The following RIOK2 variants were observed in gnomAD, a reference collection of about 807,000 sequenced individuals.
RIOK2 encodes RIO kinase 2.
A neutral mutation model predicts 62.4 loss-of-function variants in RIOK2; 46 were observed. That is an observed-to-expected ratio of 0.74 (90% CI 0.58 to 0.94). The LOEUF is 0.94. RIOK2 is among the 40% of genes least tolerant of loss of function. The pLI, the probability that RIOK2 is intolerant of heterozygous loss-of-function variation, is 0.00. For missense variants in RIOK2, 574 were observed against 658.0 expected, an observed-to-expected ratio of 0.87 and a Z score of 1.40; for synonymous variants, 197 against 216.0, an observed-to-expected ratio of 0.91 and a Z score of 0.77.
chr5:97,167,258 T>C, intron 8 of RIOK2: 1 of 1,420,052 alleles, frequency 7.0e-7, no homozygotes. Flanking sequence ...ACTTGAAATT[T>C]AGTCAATAGG....
rs745417506 is a variant in RIOK2, at chr5:97,173,160, A to G, written c.587+15T>C. 18 of 1,547,710 alleles carry G rather than the reference A, an allele frequency of 1.2e-5. No homozygotes were observed. Among genetic ancestry groups the G allele is most frequent in the African/African-American group, 2.7e-5 (2 of 73,354 alleles). The stretch of plus-strand genomic sequence containing the variant: ...TTTATCAGGATTCATGGCTTTAAGA[A>G]TAATGAATACTTACAGTGGATAACC... On this transcript the variant is annotated intron_variant, in intron 5 of 9. Coordinates refer to ENST00000283109, the MANE Select transcript of RIOK2 (RefSeq NM_018343.3).
intron 7 of RIOK2, 124 bp from the exon 8 acceptor site, chr5:97,168,115 T>G: frequency 1.0e-6 from 1 of 980,136 alleles, no homozygotes; most frequent in Non-Finnish European, 1.4e-6. Flanking sequence ...TAAAAATAAA[T>G]TTTCCTTCCC....
intron 1 of RIOK2, among the ~76,000 whole-genome samples, chr5:97,180,937 T>C (rs996478597): frequency 2.0e-5 from 3 of 151,672 alleles, no homozygotes; most frequent in Non-Finnish European, 4.4e-5. Context: ...TAGAAAAAAA[T>C]TGAATTTGGT....
chr5:97,182,934 T>TG (rs1294742604), intron 1 of RIOK2, 192 bp downstream of exon 1: 7 of 699,002 alleles, frequency 1.0e-5, no homozygotes, highest in African/African-American at 8.8e-5. Context: ...TTGCTCTATC[T>TG]GGGGGAAGGT....
rs749144456 is a variant in RIOK2 at position 97,167,627 on chromosome 5, CAG to C, written c.1235_1236del (p.Ser412CysfsTer3). 6.2e-7 allele frequency: 1 copy of C among 1,614,182 alleles called. No individual in the cohort carries two copies. Among genetic ancestry groups the C allele is most frequent in the East Asian group, 2.2e-5 (1 of 44,878 alleles). Reference protein sequence around the residue: ...EIKGQVVENNSVTEFSEEKNR... With the variant: ...EIKGQVVENNXVTEFSEEKNR... Reference sequence around the variant, plus strand: ...TTTTTCTCCTCAGAAAATTCAGTTACAGAGTTGTTTTCAACAACCTGCCCTTT... The same window carrying C: ...TTTTTCTCCTCAGAAAATTCAGTTACAGTTGTTTTCAACAACCTGCCCTTT... On this transcript the variant is annotated frameshift_variant, in exon 8 of 10. Transcript: ENST00000283109. LOFTEE classifies it high-confidence loss of function.
At chr5:97,165,292 GAAGAT>G (rs1748815238) in intron 8 of RIOK2, 145 bp from the exon 9 acceptor site, 4 of 415,326 alleles carry the variant, frequency 9.6e-6, no homozygotes, top group Non-Finnish European at 1.7e-5. Flanking sequence ...AAATTTCTGT[GAAGAT>G]AAAACTACCT....
intron 6 of RIOK2, 116 bp from the exon 7 acceptor site, chr5:97,168,968 A>C: frequency 1.9e-6 from 1 of 532,814 alleles, no homozygotes; most frequent in Non-Finnish European, 3.2e-6. Flanking sequence ...CAAGGAGATA[A>C]AAGATGTTAC....
At chr5:97,171,829 C>T (rs774804569) in intron 5 of RIOK2, among the ~76,000 whole-genome samples, 40 of 151,938 alleles carry the variant, frequency 2.6e-4, no homozygotes, top group Non-Finnish European at 5.0e-4. Context: ...ATAGCATGTA[C>T]GGGCCAGGCG....
At position 97,168,768 on chromosome 5, in the gene RIOK2, C is replaced by A; in HGVS notation, c.864G>T (p.Lys288Asn). 1.3e-6 allele frequency: 2 copies of A among 1,590,048 alleles called. No individual in the cohort carries two copies. Among genetic ancestry groups the A allele is most frequent in the South Asian group, 1.1e-5 (1 of 87,800 alleles). ...SYESELFPTF[K>N]DIRREDTLDV... ...CAATGGGGAGTACAAACCTGATATC[C>A]TTAAAAGTTGGAAAAAGCTCACTTT... Residue 288 changes from lysine to asparagine, a missense_variant, in exon 7 of 10, where the codon AAG becomes AAT. Transcript: ENST00000283109.
Position 97,171,393 on chromosome 5 carries a change from G to T in RIOK2, c.592C>A (p.Gln198Lys). The T allele has an allele frequency of 6.6e-7, 1 of 1,520,486 alleles. No homozygotes were observed. The highest frequency in any genetic ancestry group is 8.8e-7 in the Non-Finnish European group (1 of 1,132,426). The allele number at this position is 1,520,486 out of a possible 1,614,324, so 94.2% of individuals were successfully genotyped here. Reference sequence around the variant, plus strand: ...GCAGGATCTTCAACATGGTGTATCTGACATCTGAAAGTATTTTAAGCATGA... The same window carrying T: ...GCAGGATCTTCAACATGGTGTATCTTACATCTGAAAGTATTTTAAGCATGA... Reference protein sequence around the residue: ...MELINGYPLCQIHHVEDPASV... With the variant: ...MELINGYPLCKIHHVEDPASV... The change falls in exon 6 of 10, where the codon CAG (glutamine) becomes AAG (lysine). Residue 198 changes from glutamine (Q) to lysine (K), a missense_variant. Transcript: ENST00000283109.
At chr5:97,182,776 C>A (rs554931056) in intron 1 of RIOK2, 8 of 128,020 alleles carry the variant, frequency 6.2e-5, no homozygotes, top group African/African-American at 1.5e-4. Context: ...ATTATCAAAT[C>A]TCGGGGGGGG....
chr5:97,182,948 C>T (rs548143069), intron 1 of RIOK2, 178 bp downstream of exon 1: 2 of 740,540 alleles, frequency 2.7e-6, no homozygotes, highest in South Asian at 1.4e-5. Flanking sequence ...GGAAGGTAAG[C>T]TCCCAAACAA....
In RIOK2 at chr5:97,162,884, G is replaced by A. The variant is rs1029618640; in HGVS notation, c.*177C>T. On this transcript the variant is annotated 3_prime_UTR_variant, in exon 10 of 10. Coordinates refer to ENST00000283109, the MANE Select transcript of RIOK2 (RefSeq NM_018343.3). ...CAAATTACTTTGAAAAAAATGGACTGCTTTGGCAGGTAATTATTCTTTGCA... is the reference window on the plus strand; with the variant it reads ...CAAATTACTTTGAAAAAAATGGACTACTTTGGCAGGTAATTATTCTTTGCA... 5 of 539,948 alleles carry A rather than the reference G, an allele frequency of 9.3e-6. No homozygotes were observed. Among genetic ancestry groups the A allele is most frequent in the Non-Finnish European group, 1.3e-5 (4 of 314,550 alleles). 33.4% of individuals were successfully genotyped at this position (539,948 alleles called of 1,614,324 possible). A position where few individuals can be genotyped will look rare whatever the true frequency, so the allele number is the denominator to read the frequency against.
intron 8 of RIOK2, chr5:97,166,783 T>C: frequency 1.0e-6 from 1 of 985,792 alleles, no homozygotes; most frequent in Non-Finnish European, 1.2e-6. Context: ...TGTTTTAATA[T>C]TTACATGCCT....
At chr5:97,170,417 G>A (rs1561517548) in intron 6 of RIOK2, among the ~76,000 whole-genome samples, 1 of 152,136 alleles carries the variant, frequency 6.6e-6, no homozygotes, top group Non-Finnish European at 1.5e-5. Flanking sequence ...ATTATCACTG[G>A]TTTGACAACT....
chr5:97,175,090 A>G lies in RIOK2; in HGVS notation c.499-1827T>C, dbSNP rs564564612. On this transcript the variant is annotated intron_variant, in intron 4 of 9. Transcript: ENST00000283109. ...AATAAATAAATAAATAAATAAATAA[A>G]AGGTTCTGTTTCATGTGTTATCTTC... Among the ~76,000 whole-genome samples, 78 of 152,060 alleles carry G rather than the reference A, an allele frequency of 5.1e-4. No homozygotes were observed. In the South Asian group the frequency reaches 6.0e-3, roughly 12 times the overall value.
intron 9 of RIOK2, chr5:97,164,846 A>T: frequency 8.2e-6 from 3 of 367,846 alleles, no homozygotes; most frequent in Non-Finnish European, 1.4e-5. Flanking sequence ...TTTTACACAT[A>T]ATGGTGGCAG....
chr5:97,181,781 T>C (rs961750568), intron 1 of RIOK2, among the ~76,000 whole-genome samples: 1 of 152,186 alleles, frequency 6.6e-6, no homozygotes, highest in African/African-American at 2.4e-5. Context: ...TTTTGACCCC[T>C]ACTTCTGTCA....
Position 97,177,854 on chromosome 5 carries a change from C to A in RIOK2, c.206-6G>T, listed in dbSNP as rs763409446. The stretch of plus-strand genomic sequence containing the variant: ...CAACCGATAGCCCTGGACAGCTAGA[C>A]AAAAATCAAAGCATAAAGACCATAT... On this transcript the variant is annotated splice_polypyrimidine_tract_variant and splice_region_variant and intron_variant, in intron 2 of 9. Coordinates refer to ENST00000283109, the MANE Select transcript of RIOK2 (RefSeq NM_018343.3). 1.3e-5 allele frequency: 21 copies of A among 1,572,296 alleles called. No individual in the cohort carries two copies. The highest frequency in any genetic ancestry group is 2.7e-5 in the African/African-American group (2 of 73,954).
Sources: gnomAD v4.1 joint callset for allele counts (sites outside exome capture counted in the v4.1 genomes callset) on GRCh38, gnomAD v4.1.1 for gene constraint, MANE v1.5 for transcripts, NCBI Gene and HGNC (gene_info 2026-07-23, HGNC 2026-07-21) for gene names.